Variants in GRM5 observed in about 807,000 individuals in gnomAD.
GRM5 encodes the protein metabotropic glutamate receptor 5.
A neutral mutation model predicts 83.1 loss-of-function variants in GRM5; 19 were observed. The ratio of observed to expected loss-of-function variants is 0.23; its 90% confidence interval spans 0.16 to 0.34. The LOEUF is 0.34. GRM5 is among the 10% of genes least tolerant of loss of function. GRM5 has a pLI of 1.00. For missense variants in GRM5, 1,160 were observed against 1,588.3 expected (o/e 0.73, Z 4.58); for synonymous variants, 675 against 633.6 (o/e 1.07, Z -0.98).
chr11:88,902,677 C>T (rs191907666), intron 2 of GRM5, among the ~76,000 whole-genome samples: 8 of 151,870 alleles, frequency 5.3e-5, no homozygotes, highest in Non-Finnish European at 1.2e-4. Flanking sequence ...GCAGAGAGGC[C>T]GGGTGCAGTA....
At chr11:88,674,674 A>T (rs565872918) in intron 3 of GRM5, among the ~76,000 whole-genome samples, 4 of 151,792 alleles carry the variant, frequency 2.6e-5, no homozygotes, top group Non-Finnish European at 5.9e-5. Context: ...TCCAGAGACA[A>T]AGTCATGATG....
At chr11:88,919,682 T>C (rs1945655995) in intron 2 of GRM5, among the ~76,000 whole-genome samples, 1 of 151,802 alleles carries the variant, frequency 6.6e-6, no homozygotes, top group Admixed American at 6.6e-5. Flanking sequence ...TAAAAGAAAA[T>C]GAGATCATAT....
chr11:88,690,739 G>T (rs1250531756), intron 3 of GRM5, among the ~76,000 whole-genome samples: 2 of 152,140 alleles, frequency 1.3e-5, no homozygotes, highest in Non-Finnish European at 2.9e-5. Flanking sequence ...TGTGAAAAGT[G>T]CTCTTTTATT....
chr11:88,773,576 T>C (rs1450841274), intron 3 of GRM5, among the ~76,000 whole-genome samples: 1 of 152,196 alleles, frequency 6.6e-6, no homozygotes, highest in East Asian at 1.9e-4. Flanking sequence ...AGGGTTTTTA[T>C]GGTTTTAGGT....
chr11:88,874,076 A>T (rs926295754), intron 2 of GRM5, among the ~76,000 whole-genome samples: 1 of 151,786 alleles, frequency 6.6e-6, no homozygotes, highest in Non-Finnish European at 1.5e-5. Flanking sequence ...AATGATATTG[A>T]TTCAGAAAGG....
At chr11:88,944,006 T>C (rs1171456846) in intron 2 of GRM5, among the ~76,000 whole-genome samples, 1 of 151,990 alleles carries the variant, frequency 6.6e-6, no homozygotes, top group African/African-American at 2.4e-5. Context: ...GTCAAATGCT[T>C]GGCACTTTAA....
intron 4 of GRM5, among the ~76,000 whole-genome samples, chr11:88,618,201 T>C (rs1938534895): frequency 6.6e-6 from 1 of 152,160 alleles, no homozygotes; most frequent in South Asian, 2.1e-4. Flanking sequence ...GTTGTTTGCC[T>C]ATACTTAAAA....
At chr11:88,637,393 G>T (rs534122257) in intron 4 of GRM5, among the ~76,000 whole-genome samples, 3 of 151,630 alleles carry the variant, frequency 2.0e-5, no homozygotes, top group Non-Finnish European at 2.9e-5. Context: ...GAAAATTTTC[G>T]CAACCTACTC....
At chr11:88,993,354 T>C (rs1940059911) in intron 2 of GRM5, among the ~76,000 whole-genome samples, 1 of 152,056 alleles carries the variant, frequency 6.6e-6, no homozygotes. Context: ...TGAGGAGACT[T>C]TTCTTCCATC....
In GRM5 at chr11:88,653,219, G is replaced by A. The variant is rs752517172; in HGVS notation, c.1096C>T (p.Arg366Ter). ...TTCTCCTGTGGAAACCCTTCCAGTC[G>A]GCACTGAAAACGATGCTGCCAAAAT... ...QEFWQHRFQC[R>*]LEGFPQENSK... The change falls in exon 4 of 10, where the codon CGA (arginine) becomes TGA (stop). Residue 366 changes from arginine to a stop codon, truncating the protein, a stop_gained. Transcript: ENST00000305447. LOFTEE classifies it high-confidence loss of function. 1 of 1,612,530 alleles carries A rather than the reference G, an allele frequency of 6.2e-7. No homozygotes were observed.
At chr11:88,839,263 G>A (rs1944151071) in intron 3 of GRM5, among the ~76,000 whole-genome samples, 1 of 152,098 alleles carries the variant, frequency 6.6e-6, no homozygotes, top group South Asian at 2.1e-4. Flanking sequence ...GCTTGGCATT[G>A]TCTGAAGATC....
intron 4 of GRM5, among the ~76,000 whole-genome samples, chr11:88,607,048 T>G (rs1018283079): frequency 3.9e-5 from 6 of 152,188 alleles, no homozygotes; most frequent in Non-Finnish European, 7.4e-5. Flanking sequence ...CCATCTTGAT[T>G]GCTGGCCCAA....
At chr11:89,017,503 C>G (rs545806008) in intron 2 of GRM5, among the ~76,000 whole-genome samples, 1 of 152,138 alleles carries the variant, frequency 6.6e-6, no homozygotes, top group Admixed American at 6.5e-5. Context: ...ACCATTTATC[C>G]AATAAATACC....
At chr11:88,891,238 G>A (rs1225223329) in intron 2 of GRM5, among the ~76,000 whole-genome samples, 3 of 152,046 alleles carry the variant, frequency 2.0e-5, no homozygotes, top group Non-Finnish European at 4.4e-5. Context: ...GGTAAAATTT[G>A]GCTTTGAGCA....
chr11:88,995,413 C>G (rs1484523553), intron 2 of GRM5, among the ~76,000 whole-genome samples: 2 of 151,692 alleles, frequency 1.3e-5, no homozygotes, highest in African/African-American at 4.8e-5. Flanking sequence ...GGCGTGTTTG[C>G]AGGCACCTGT....
At chr11:88,566,480 C>A (rs1942876905) in intron 8 of GRM5, among the ~76,000 whole-genome samples, 2 of 152,104 alleles carry the variant, frequency 1.3e-5, no homozygotes, top group Non-Finnish European at 2.9e-5. Context: ...TGTTGTTTTG[C>A]CCTTTTCAGC....
At chr11:88,900,528 G>T (rs1317958382) in intron 2 of GRM5, among the ~76,000 whole-genome samples, 1 of 151,864 alleles carries the variant, frequency 6.6e-6, no homozygotes, top group Admixed American at 6.6e-5. Flanking sequence ...AAGCATGTTG[G>T]TTAAAATGAT....
chr11:89,016,159 A>G (rs1021041575), intron 2 of GRM5, among the ~76,000 whole-genome samples: 6 of 150,634 alleles, frequency 4.0e-5, no homozygotes, highest in Admixed American at 6.7e-5. Context: ...TTATATCTAT[A>G]TATAAATATG....
intron 2 of GRM5, among the ~76,000 whole-genome samples, chr11:88,878,687 C>G (rs1013402817): frequency 2.2e-4 from 34 of 152,266 alleles, no homozygotes; most frequent in African/African-American, 7.9e-4. Flanking sequence ...ACTCATGAGA[C>G]TGTCTTTTCC....
Sources: allele counts gnomAD v4.1 joint callset (sites outside exome capture counted in the v4.1 genomes callset), GRCh38; gene constraint gnomAD v4.1.1; transcripts MANE v1.5; gene names NCBI Gene and HGNC (gene_info 2026-07-23, HGNC 2026-07-21).